MCCC2: variants seen among roughly 807,000 people sequenced by gnomAD.
MCCC2 encodes the protein methylcrotonoyl-CoA carboxylase beta chain, mitochondrial.
MCCC2 carries 52 observed loss-of-function variants against 77.2 expected under a neutral mutation model. The ratio of observed to expected loss-of-function variants is 0.67; its 90% CI spans 0.54 to 0.85. The LOEUF is 0.85. Ranked by LOEUF, MCCC2 falls within the 40% of genes least tolerant of loss-of-function variation. The pLI, the probability that MCCC2 is intolerant of heterozygous loss-of-function variation, is 0.00. For synonymous variants in MCCC2, 253 were observed against 248.4 expected (o/e 1.02, Z -0.18); for missense variants, 682 against 703.2 (o/e 0.97, Z 0.34).
intron 7 of MCCC2, among the ~76,000 whole-genome samples, chr5:71,630,632 G>A (rs1046779314): frequency 3.3e-5 from 5 of 152,122 alleles, no homozygotes; most frequent in Admixed American, 2.6e-4. Context: ...GGAAGGAAAA[G>A]AACCAAGAAT....
At chr5:71,599,371 A>G (rs1166639028) in intron 3 of MCCC2, among the ~76,000 whole-genome samples, 1 of 151,978 alleles carries the variant, frequency 6.6e-6, no homozygotes, top group Admixed American at 6.6e-5. Context: ...CTCCATCTCA[A>G]AAAACAACAA....
intron 11 of MCCC2, among the ~76,000 whole-genome samples, chr5:71,642,895 TG>T: frequency 6.6e-6 from 1 of 152,036 alleles, no homozygotes; most frequent in Non-Finnish European, 1.5e-5. Context: ...CCCAGCTGCT[TG>T]GGAGGCCAAG....
Position 71,591,545 on chromosome 5 carries a change from T to C in MCCC2, c.130-1381T>C, listed in dbSNP as rs1035616681. ...TCCGCCTCCCGGGTTCGAGGGATTC[T>C]CCTGCCTCAGCCTCCCGAGTAGCTG... On this transcript the variant is annotated intron_variant, in intron 1 of 16. Transcript: ENST00000340941. Among the ~76,000 whole-genome samples the C allele has an allele frequency of 5.3e-5, 8 of 151,146 alleles. No homozygotes were observed. In the South Asian group the frequency reaches 1.5e-3, roughly 28 times the overall value.
At chr5:71,635,122 A>G in intron 9 of MCCC2, 29 bp from the exon 10 acceptor site, 1 of 1,612,692 alleles carries the variant, frequency 6.2e-7, no homozygotes, top group Non-Finnish European at 8.5e-7. Flanking sequence ...ATGTCTTTAA[A>G]CAGGTTAACA....
chr5:71,630,989 G>A (rs766358004), intron 7 of MCCC2, among the ~76,000 whole-genome samples: 3 of 151,972 alleles, frequency 2.0e-5, no homozygotes, highest in Non-Finnish European at 4.4e-5. Context: ...CTTTTTCCTG[G>A]TAGAATTTCT....
In MCCC2 at chr5:71,650,298, A is replaced by G; in HGVS notation, c.1488+115A>G. ...GTGTTCATGGCTGGGGACCTGGCGC[A>G]CACTGCCTGGCCATATTTAGACTGT... On this transcript the variant is annotated intron_variant, in intron 15 of 16. Coordinates refer to ENST00000340941, the MANE Select transcript of MCCC2 (RefSeq NM_022132.5). 3 of 774,564 alleles carry G rather than the reference A, an allele frequency of 3.9e-6. No individual in the cohort carries two copies. The East Asian group carries it at 7.7e-5, about 20-fold the overall frequency. The allele number at this position is 774,564 out of a possible 1,614,324, so 48.0% of individuals were successfully genotyped here.
rs2112388763 is a variant in MCCC2, at chr5:71,618,927, T to C, written c.625-7713T>C. Among the ~76,000 whole-genome samples, 2 of 152,360 alleles carry C rather than the reference T, an allele frequency of 1.3e-5. 1 individual carries two copies. Among genetic ancestry groups the C allele is most frequent in the South Asian group, 4.1e-4 (2 of 4,826 alleles). On this transcript the variant is annotated intron_variant, in intron 6 of 16. Coordinates refer to ENST00000340941, the MANE Select transcript of MCCC2 (RefSeq NM_022132.5). ...TTTGCTCTGGTGCATTGGTTCTCTT[T>C]CTTGTTTTAGTATAAGCAACAAGGT... is the stretch of plus-strand genomic sequence containing the variant.
rs374214592 is a variant in MCCC2 at position 71,609,922 on chromosome 5, C to T, written c.624+5454C>T. 8.4e-3 allele frequency among the ~76,000 whole-genome samples: 1,277 copies of T among 151,852 alleles called. 72 individuals are homozygous for T. The East Asian group carries it at 0.15, about 18-fold the overall frequency. On this transcript the variant is annotated intron_variant, in intron 6 of 16. Coordinates refer to ENST00000340941, the MANE Select transcript of MCCC2 (RefSeq NM_022132.5). ...GACCCACTTGAGGAGGCAGTCTGCC[C>T]GTTCTCAGATCTCCAGCTGTGTGCT...
intron 3 of MCCC2, among the ~76,000 whole-genome samples, chr5:71,596,727 G>A (rs1745205176): frequency 6.6e-6 from 1 of 152,134 alleles, no homozygotes; most frequent in Admixed American, 6.5e-5. Context: ...GGATCATGAA[G>A]TCAGGAGATT....
chr5:71,604,368 G>A lies in MCCC2; in HGVS notation c.524G>A (p.Gly175Glu). The change falls in exon 6 of 17, where the codon GGA becomes GAA. Residue 175 changes from glycine to glutamate, a missense_variant. By Grantham distance (98) the Gly-to-Glu change is moderately conservative. Transcript: ENST00000340941. Reference protein sequence around the residue: ...LPCIYLVDSGGAYLPRQADVF... With the variant: ...LPCIYLVDSGEAYLPRQADVF... The stretch of plus-strand genomic sequence containing the variant: ...TTCTTGTCTTCAGTTGATTCGGGAG[G>A]AGCATACTTACCTCGACAAGCAGAT... 6.2e-7 allele frequency: 1 copy of A among 1,614,028 alleles called. No individual in the cohort carries two copies. The highest frequency in any genetic ancestry group is 2.2e-5 in the East Asian group (1 of 44,876).
At position 71,610,567 on chromosome 5, in the gene MCCC2, C is replaced by A. The variant is rs184788445; in HGVS notation, c.624+6099C>A. 6.1e-3 allele frequency among the ~76,000 whole-genome samples: 922 copies of A among 152,312 alleles called. 24 individuals are homozygous for A. The highest frequency in any genetic ancestry group is 0.046 in the Admixed American group (711 of 15,292). On this transcript the variant is annotated intron_variant, in intron 6 of 16. Transcript: ENST00000340941. ...CTGAGAGCTGTAGACCGGAGCTGTT[C>A]CTATTCGGCCATCTTGGCTCCTCCC... is the stretch of plus-strand genomic sequence containing the variant.
At chr5:71,647,392 G>A (rs555267542) in intron 13 of MCCC2, among the ~76,000 whole-genome samples, 1 of 152,264 alleles carries the variant, frequency 6.6e-6, no homozygotes, top group East Asian at 1.9e-4. Flanking sequence ...AGCCTAAGAG[G>A]GTCCTGCATG....
Position 71,634,993 on chromosome 5 carries a change from A to C in MCCC2, c.854A>C (p.His285Pro), listed in dbSNP as rs766019504. ...GCTTTGGATGATCATCATGCCCTTCACTTAACTAGGAAGGTTGTGAGGAAT... is the reference window on the plus strand; with the variant it reads ...GCTTTGGATGATCATCATGCCCTTCCCTTAACTAGGAAGGTTGTGAGGAAT... ...HWALDDHHAL[H>P]LTRKVVRNLN... The change falls in exon 9 of 17, where the codon CAC (histidine) becomes CCC (proline). Residue 285 changes from histidine to proline, a missense_variant. His to Pro is a moderately conservative substitution (Grantham distance 77, BLOSUM62 -2). Coordinates refer to ENST00000340941, the MANE Select transcript of MCCC2 (RefSeq NM_022132.5). 3 of 1,614,158 alleles carry C rather than the reference A, an allele frequency of 1.9e-6. No homozygotes were observed. Among genetic ancestry groups the C allele is most frequent in the Non-Finnish European group, 2.5e-6 (3 of 1,180,022 alleles).
rs1292042623 is a variant in MCCC2, at chr5:71,587,394, G to A, written c.-32G>A. 2.0e-6 allele frequency: 3 copies of A among 1,531,780 alleles called. No individual in the cohort carries two copies. The highest frequency in any genetic ancestry group is 2.0e-5 in the Admixed American group (1 of 50,860). The allele number at this position is 1,531,780 out of a possible 1,614,324, so 94.9% of individuals were successfully genotyped here. Reference sequence around the variant, plus strand: ...GGGAAAGCACCGGCTCCAGGCCAGCGTGGGCCGCTCTCTCGCTCGGTGCCC... The same window carrying A: ...GGGAAAGCACCGGCTCCAGGCCAGCATGGGCCGCTCTCTCGCTCGGTGCCC... On this transcript the variant is annotated 5_prime_UTR_variant, in exon 1 of 17. The change creates a new upstream start codon in the 5' untranslated region. Coordinates refer to ENST00000340941, the MANE Select transcript of MCCC2 (RefSeq NM_022132.5).
At chr5:71,621,198 G>T (rs568370688) in intron 6 of MCCC2, among the ~76,000 whole-genome samples, 3 of 150,868 alleles carry the variant, frequency 2.0e-5, no homozygotes, top group African/African-American at 7.5e-5. Context: ...GTGAGAGAAA[G>T]AAGCAGATAC....
chr5:71,639,472 G>A (rs1276179217), intron 10 of MCCC2, among the ~76,000 whole-genome samples: 2 of 151,686 alleles, frequency 1.3e-5, no homozygotes, highest in East Asian at 3.9e-4. Flanking sequence ...ACCTATCCAA[G>A]CCTTCAGGGA....
chr5:71,618,668 G>A (rs1294286953), intron 6 of MCCC2, among the ~76,000 whole-genome samples: 3 of 152,002 alleles, frequency 2.0e-5, no homozygotes, highest in Non-Finnish European at 2.9e-5. Flanking sequence ...TTATAAGCAT[G>A]AGCCACTATG....
chr5:71,624,996 T>C (rs1464081089), intron 6 of MCCC2, among the ~76,000 whole-genome samples: 1 of 151,918 alleles, frequency 6.6e-6, no homozygotes, highest in Admixed American at 6.6e-5. Flanking sequence ...GCCCAGCCTG[T>C]CTAACTACAT....
chr5:71,589,615 G>A (rs930944617), intron 1 of MCCC2, among the ~76,000 whole-genome samples: 1 of 152,218 alleles, frequency 6.6e-6, no homozygotes, highest in Non-Finnish European at 1.5e-5. Flanking sequence ...AGTCCATGAG[G>A]GTGGGGGAGA....
Sources: gnomAD v4.1 joint callset for allele counts (sites outside exome capture counted in the v4.1 genomes callset) on GRCh38, gnomAD v4.1.1 for gene constraint, MANE v1.5 for transcripts, NCBI Gene and HGNC (gene_info 2026-07-23, HGNC 2026-07-21) for gene names.